The following FGF12 variants were observed in gnomAD, a reference collection of about 807,000 sequenced individuals.
FGF12 encodes the protein fibroblast growth factor 12B.
Under a neutral mutation model 23.6 loss-of-function variants are expected in FGF12, and 14 were observed. The observed-to-expected ratio is 0.59, with a 90% CI of 0.39 to 0.93. The LOEUF is 0.93. FGF12 is among the 40% of genes least tolerant of loss of function. FGF12 has a pLI of 0.00. For missense variants in FGF12, 175 were observed against 217.8 expected (o/e 0.80, Z 1.24); for synonymous variants, 62 against 77.3 (o/e 0.80, Z 1.04).
chr3:192,372,969 T>C (rs1214094674), intron 2 of FGF12, among the ~76,000 whole-genome samples: 1 of 152,214 alleles, frequency 6.6e-6, no homozygotes, highest in East Asian at 1.9e-4. Flanking sequence ...CATTTCCCTC[T>C]GCCTGGATTG....
chr3:192,344,298 G>A (rs932199821), intron 3 of FGF12, among the ~76,000 whole-genome samples: 4 of 151,968 alleles, frequency 2.6e-5, no homozygotes, highest in Non-Finnish European at 5.9e-5. Flanking sequence ...TTCATAGTAG[G>A]AGGAACATGG....
intron 4 of FGF12, among the ~76,000 whole-genome samples, chr3:192,185,791 G>A (rs756524111): frequency 4.0e-5 from 6 of 151,760 alleles, no homozygotes; most frequent in South Asian, 2.1e-4. Context: ...CCCAGGAGGC[G>A]GAGGTGGCAA....
chr3:192,167,769 A>ATATATATAT (rs1553845519), intron 5 of FGF12, among the ~76,000 whole-genome samples: 988 of 38,644 alleles, frequency 0.026, 97 homozygotes, highest in South Asian at 0.056. Flanking sequence ...ATATATATAT[A>ATATATATAT]AAATTTTTTT....
intron 2 of FGF12, among the ~76,000 whole-genome samples, chr3:192,428,117 C>T (rs1471466425): frequency 6.6e-6 from 1 of 152,164 alleles, no homozygotes; most frequent in East Asian, 1.9e-4. Context: ...TTGTGGTCTC[C>T]TAACAGGATC....
At position 192,514,938 on chromosome 3, in the gene FGF12, A is replaced by C; in HGVS notation, c.14-154400T>G. ...CGGCAGGGGGCGGGCCGGGACGCGG[A>C]AGTGCCGGTCCGCCGGGGGCAGCCC... On this transcript the variant is annotated intron_variant, in intron 2 of 5. Coordinates refer to ENST00000445105, the MANE Select transcript of FGF12 (RefSeq NM_004113.6). This position sits in a 1 kb window ranked among gnomAD's most constrained non-coding sequence, Gnocchi z 4.9. The C allele has an allele frequency of 2.2e-6, 2 of 917,094 alleles. No individual in the cohort carries two copies. The highest frequency in any genetic ancestry group is 2.6e-6 in the Non-Finnish European group (2 of 767,694). 56.8% of individuals were successfully genotyped at this position (917,094 alleles called of 1,614,324 possible).
intron 2 of FGF12, among the ~76,000 whole-genome samples, chr3:192,491,527 T>C (rs1482747106): frequency 1.3e-5 from 2 of 152,178 alleles, no homozygotes; most frequent in East Asian, 3.9e-4. Context: ...AAGCCTTCAC[T>C]TGACACCACC....
At chr3:192,566,070 G>A (rs1229366156) in intron 2 of FGF12, among the ~76,000 whole-genome samples, 1 of 152,160 alleles carries the variant, frequency 6.6e-6, no homozygotes, top group South Asian at 2.1e-4. Context: ...TGGGCAAAAA[G>A]AACGAAGTTC....
intron 2 of FGF12, among the ~76,000 whole-genome samples, chr3:192,444,141 G>A (rs964196262): frequency 6.6e-6 from 1 of 152,114 alleles, no homozygotes; most frequent in Non-Finnish European, 1.5e-5. Context: ...CAGTCTGGCC[G>A]CCTTGAGTTC....
chr3:192,433,008 T>C (rs893839536), intron 2 of FGF12, among the ~76,000 whole-genome samples: 1 of 152,162 alleles, frequency 6.6e-6, no homozygotes, highest in East Asian at 1.9e-4. Flanking sequence ...TAGGGAATGG[T>C]ACCCTTCAGA....
intron 4 of FGF12, among the ~76,000 whole-genome samples, chr3:192,240,798 T>A (rs1392770721): frequency 6.6e-6 from 1 of 152,228 alleles, no homozygotes. Flanking sequence ...TGTAATTTTT[T>A]ATTTTATGAT....
chr3:192,723,709 TA>T (rs1719110180), intron 2 of FGF12, among the ~76,000 whole-genome samples: 1 of 151,946 alleles, frequency 6.6e-6, no homozygotes, highest in South Asian at 2.1e-4. Flanking sequence ...AAACTCACAT[TA>T]TTAGGGGTAT....
rs1450651746 is a variant in FGF12, at chr3:192,641,174, C to G, written c.13+86007G>C. 2.8e-5 allele frequency among the ~76,000 whole-genome samples: 2 copies of G among 70,908 alleles called. 1 individual carries two copies. The highest frequency in any genetic ancestry group is 5.7e-5 in the Non-Finnish European group (2 of 34,816). 46.5% of individuals were successfully genotyped at this position (70,908 alleles called of 152,430 possible). ...AGGCTGGAGTGCAGTGGCGGGATCT[C>G]GGCTCACTGCAAGCTCCGCCTCCCG... On this transcript the variant is annotated intron_variant, in intron 2 of 5. Transcript: ENST00000445105.
At chr3:192,563,422 A>T (rs1217062533) in intron 2 of FGF12, among the ~76,000 whole-genome samples, 3 of 152,166 alleles carry the variant, frequency 2.0e-5, no homozygotes, top group Non-Finnish European at 2.9e-5. Flanking sequence ...TTGCACACAC[A>T]ATCCCATCCT....
chr3:192,725,550 C>A (rs916537603), intron 2 of FGF12, among the ~76,000 whole-genome samples: 1 of 152,054 alleles, frequency 6.6e-6, no homozygotes, highest in Non-Finnish European at 1.5e-5. Context: ...CTAAGTGACA[C>A]GTAGCATGTT....
At chr3:192,328,409 A>G (rs1490498840) in intron 4 of FGF12, among the ~76,000 whole-genome samples, 1 of 152,200 alleles carries the variant, frequency 6.6e-6, no homozygotes, top group Non-Finnish European at 1.5e-5. Context: ...ATAGAGGCTC[A>G]GGTGAGCTTC....
At chr3:192,149,326 T>C (rs1034406653) in intron 5 of FGF12, among the ~76,000 whole-genome samples, 4 of 151,620 alleles carry the variant, frequency 2.6e-5, no homozygotes, top group Non-Finnish European at 5.9e-5. Flanking sequence ...TTTTTTTTAT[T>C]ATTATACTTT....
At chr3:192,252,461 TCAAAAAAAA>T (rs1712084244) in intron 4 of FGF12, among the ~76,000 whole-genome samples, 1 of 15,736 alleles carries the variant, frequency 6.4e-5, no homozygotes, top group African/African-American at 4.4e-4. Flanking sequence ...AGAATCTGTC[TCAAAAAAAA>T]AAAAAAAAAA....
intron 4 of FGF12, among the ~76,000 whole-genome samples, chr3:192,198,445 GTAATAATGCTCA>G (rs1717195684): frequency 6.6e-6 from 1 of 152,024 alleles, no homozygotes; most frequent in Admixed American, 6.6e-5. Flanking sequence ...GCTAAAATCA[GTAATAATGCTCA>G]CTAAATTTGT....
chr3:192,320,187 G>C (rs1716460466), intron 4 of FGF12, among the ~76,000 whole-genome samples: 1 of 152,040 alleles, frequency 6.6e-6, no homozygotes, highest in Non-Finnish European at 1.5e-5. Flanking sequence ...CAGAAAAGAG[G>C]AGTAGCTCTA....
Sources: allele counts gnomAD v4.1 joint callset (sites outside exome capture counted in the v4.1 genomes callset), GRCh38; gene constraint gnomAD v4.1.1; non-coding constraint Gnocchi (gnomAD v3.1); transcripts MANE v1.5; gene names NCBI Gene and HGNC (gene_info 2026-07-23, HGNC 2026-07-21).